NEFL: variants seen among roughly 807,000 people sequenced by gnomAD.
NEFL encodes the protein neurofilament light chain.
A neutral mutation model predicts 51.6 loss-of-function variants in NEFL; 36 were observed. That is an observed-to-expected ratio of 0.70 (90% CI 0.53 to 0.92). The LOEUF is 0.92. Ranked by LOEUF, NEFL falls within the 40% of genes least tolerant of loss-of-function variation. The probability of loss-of-function intolerance (pLI) is 0.00; values close to 1 mark genes in which losing one functional copy is unlikely to be tolerated. For synonymous variants in NEFL, 332 were observed against 302.5 expected (o/e 1.10, Z -1.01); for missense variants, 671 against 722.0 (o/e 0.93, Z 0.81).
In NEFL at chr8:24,952,384, C is replaced by T. The variant is rs73546943; in HGVS notation, c.*426G>A. 10,476 of 158,238 alleles carry T rather than the reference C, an allele frequency of 0.066. 1,222 individuals carry two copies. Among genetic ancestry groups the T allele is most frequent in the African/African-American group, 0.24 (9,909 of 41,578 alleles). 9.8% of individuals were successfully genotyped at this position (158,238 alleles called of 1,614,324 possible). A position where few individuals can be genotyped will look rare whatever the true frequency, so the allele number is the denominator to read the frequency against. ...CAACCACAGCAAAAAATACATCATT[C>T]GGTATAACTTTATTTACTATTTATT... On this transcript the variant is annotated 3_prime_UTR_variant, in exon 4 of 4. Transcript: ENST00000610854.
In NEFL at chr8:24,951,223, A is replaced by G. The variant is rs1802963093; in HGVS notation, c.*1587T>C. On this transcript the variant is annotated 3_prime_UTR_variant, in exon 4 of 4. Coordinates refer to ENST00000610854, the MANE Select transcript of NEFL (RefSeq NM_006158.5). The stretch of plus-strand genomic sequence containing the variant: ...TTCATAGTTCCAATCCATTACCATC[A>G]TGGCAAGGAAGCACTTTACCTATTT... The G allele has an allele frequency of 2.0e-5, 3 of 152,404 alleles. No homozygotes were observed. In the South Asian group the frequency reaches 6.2e-4, roughly 32 times the overall value. The allele number at this position is 152,404 out of a possible 1,614,324, so 9.4% of individuals were successfully genotyped here.
At chr8:24,953,191 C>A (rs532828056) in intron 3 of NEFL, among the ~76,000 whole-genome samples, 1 of 152,276 alleles carries the variant, frequency 6.6e-6, no homozygotes, top group South Asian at 2.1e-4. Context: ...CTCTCCAAGA[C>A]TTAACCTCAA....
chr8:24,955,651 C>G lies in NEFL; in HGVS notation c.865G>C (p.Glu289Gln). 1.2e-6 allele frequency: 2 copies of G among 1,613,836 alleles called. No homozygotes were observed. The highest frequency in any genetic ancestry group is 1.1e-5 in the South Asian group (1 of 91,068). ...GCGTCGGTGTTCTTGGCGGCGCTCT[C>G]GGTCAGCACGGTGAAGCGGCTCTTG... is the stretch of plus-strand genomic sequence containing the variant. ...WFKSRFTVLT[E>Q]SAAKNTDAVR... The change falls in exon 1 of 4, where the codon GAG becomes CAG. Residue 289 changes from glutamate to glutamine, a missense_variant. Glu to Gln is a conservative substitution (Grantham distance 29, BLOSUM62 2). Coordinates refer to ENST00000610854, the MANE Select transcript of NEFL (RefSeq NM_006158.5). The surrounding 1 kb of genome is among the most constrained non-coding windows in gnomAD (Gnocchi z 4.0).
chr8:24,955,944 C>T lies in NEFL; in HGVS notation c.572G>A (p.Arg191Gln), dbSNP rs755170407. 1.9e-6 allele frequency: 3 copies of T among 1,602,988 alleles called. No homozygotes were observed. The highest frequency in any genetic ancestry group is 2.5e-6 in the Non-Finnish European group (3 of 1,179,216). Residue 191 changes from arginine to glutamine, a missense_variant, in exon 1 of 4, where the codon CGG becomes CAG. Physicochemically the swap from Arg to Gln is conservative, Grantham distance 43. Transcript: ENST00000610854. The surrounding 1 kb of genome is among the most constrained non-coding windows in gnomAD (Gnocchi z 4.0). Reference sequence around the variant, plus strand: ...GGCGCCTTTGCGCGCTTCCATCAGCCGGCCCTCGGCGTCCTCGCGGCTCAG... The same window carrying T: ...GGCGCCTTTGCGCGCTTCCATCAGCTGGCCCTCGGCGTCCTCGCGGCTCAG... ...EVLSREDAEGRLMEARKGADE... is the reference protein window; with the variant it reads ...EVLSREDAEGQLMEARKGADE...
At chr8:24,953,340 A>G in intron 3 of NEFL, 136 bp downstream of exon 3, 1 of 1,497,630 alleles carries the variant, frequency 6.7e-7, no homozygotes. Context: ...GTTTTGCTAA[A>G]CAAACAGAAA....
chr8:24,954,703 C>CA (rs925691246), intron 1 of NEFL, among the ~76,000 whole-genome samples: 6 of 150,392 alleles, frequency 4.0e-5, no homozygotes, highest in African/African-American at 7.3e-5. Context: ...CAGATGTAAA[C>CA]AAAAAAAAGA....
rs1437779457 is a variant in NEFL, at chr8:24,956,032, C to T, written c.484G>A (p.Gly162Ser). ...GTCTCCTCCAGCCCTTCGCGCTCGC[C>T]CTGGAGCGCCTGCTTCTCGTTGGTG... The part of the protein sequence containing the change: ...DATNEKQALQ[G>S]EREGLEETLR... The change falls in exon 1 of 4, where the codon GGC becomes AGC. Residue 162 changes from glycine (G) to serine (S), a missense_variant. Transcript: ENST00000610854. The surrounding 1 kb of genome is among the most constrained non-coding windows in gnomAD (Gnocchi z 5.9). 1 of 1,604,214 alleles carries T rather than the reference C, an allele frequency of 6.2e-7. No individual in the cohort carries two copies.
rs1445349129 is a variant in NEFL at position 24,951,231 on chromosome 8, G to A, written c.*1579C>T. 6.6e-6 allele frequency: 1 copy of A among 152,232 alleles called. No individual in the cohort carries two copies. Among genetic ancestry groups the A allele is most frequent in the African/African-American group, 2.4e-5 (1 of 41,446 alleles). The allele number at this position is 152,232 out of a possible 1,614,324, so 9.4% of individuals were successfully genotyped here. On this transcript the variant is annotated 3_prime_UTR_variant, in exon 4 of 4. Transcript: ENST00000610854. ...TCCAATCCATTACCATCATGGCAAGGAAGCACTTTACCTATTTGCATAGCA... is the reference window on the plus strand; with the variant it reads ...TCCAATCCATTACCATCATGGCAAGAAAGCACTTTACCTATTTGCATAGCA...
Position 24,953,511 on chromosome 8 carries a change from T to C in NEFL, c.1454A>G (p.Glu485Gly). ...EAEEEEKDKE[E>G]AEEEEAAEEE... is the part of the protein sequence containing the mutation. Reference sequence around the variant, plus strand: ...TTCAGCTGCCTCCTCTTCCTCGGCCTCTTCCTTGTCCTTCTCCTCCTCCTC... The same window carrying C: ...TTCAGCTGCCTCCTCTTCCTCGGCCCCTTCCTTGTCCTTCTCCTCCTCCTC... Residue 485 changes from glutamate to glycine, a missense_variant, in exon 3 of 4, where the codon GAG becomes GGG. Transcript: ENST00000610854. 6.2e-7 allele frequency: 1 copy of C among 1,605,898 alleles called. No homozygotes were observed. Among genetic ancestry groups the C allele is most frequent in the Non-Finnish European group, 8.5e-7 (1 of 1,176,064 alleles).
At position 24,955,643 on chromosome 8, in the gene NEFL, G is replaced by T. The variant is rs1466451392; in HGVS notation, c.873C>A (p.Ala291=). The T allele has an allele frequency of 3.1e-6, 5 of 1,613,850 alleles. No homozygotes were observed. The highest frequency in any genetic ancestry group is 4.2e-6 in the Non-Finnish European group (5 of 1,179,886). ...KSRFTVLTES[A]AKNTDAVRAA... ...CGCGCACGGCGTCGGTGTTCTTGGC[G>T]GCGCTCTCGGTCAGCACGGTGAAGC... The change falls in exon 1 of 4, where the codon GCC becomes GCA. Residue 291 remains alanine (A), a synonymous_variant. Transcript: ENST00000610854. This position sits in a 1 kb window ranked among gnomAD's most constrained non-coding sequence, Gnocchi z 4.0.
Position 24,955,176 on chromosome 8 carries a change from T to C in NEFL, c.1044+296A>G. The stretch of plus-strand genomic sequence containing the variant: ...CAGGTCAGTAGAGAGCTGATCTCAC[T>C]GCAGGCCGGAGGCAACGCCCAATTC... On this transcript the variant is annotated intron_variant, in intron 1 of 3. Transcript: ENST00000610854. The surrounding 1 kb of genome is among the most constrained non-coding windows in gnomAD (Gnocchi z 4.0). 8.0e-6 allele frequency: 4 copies of C among 500,890 alleles called. No individual in the cohort carries two copies. In the South Asian group the frequency reaches 1.2e-4, roughly 15 times the overall value. 31.0% of individuals were successfully genotyped at this position (500,890 alleles called of 1,614,324 possible).
rs776351925 is a variant in NEFL, at chr8:24,956,472, T to G, written c.44A>C (p.Lys15Thr). 10 of 1,604,174 alleles carry G rather than the reference T, an allele frequency of 6.2e-6. No individual in the cohort carries two copies. Among genetic ancestry groups the G allele is most frequent in the Non-Finnish European group, 8.5e-6 (10 of 1,176,316 alleles). ...CCGGGGCGTCTCCACGTAGCGCCGC[T>G]TGTAGGAGGTCGAGTAGTACGGCTC... ...SYEPYYSTSY[K>T]RRYVETPRVH... Residue 15 changes from lysine (K) to threonine (T), a missense_variant, in exon 1 of 4, where the codon AAG becomes ACG. By Grantham distance (78) the Lys-to-Thr change is moderately conservative. Coordinates refer to ENST00000610854, the MANE Select transcript of NEFL (RefSeq NM_006158.5). The surrounding 1 kb of genome is among the most constrained non-coding windows in gnomAD (Gnocchi z 5.9).
At position 24,956,470 on chromosome 8, in the gene NEFL, G is replaced by A. The variant is rs1407149544; in HGVS notation, c.46C>T (p.Arg16Trp). 9 of 1,604,292 alleles carry A rather than the reference G, an allele frequency of 5.6e-6. No individual in the cohort carries two copies. The highest frequency in any genetic ancestry group is 1.7e-5 in the Admixed American group (1 of 58,566). ...YEPYYSTSYK[R>W]RYVETPRVHI... ...ACCCGGGGCGTCTCCACGTAGCGCC[G>A]CTTGTAGGAGGTCGAGTAGTACGGC... The change falls in exon 1 of 4, where the codon CGG becomes TGG. Residue 16 changes from arginine (R) to tryptophan (W), a missense_variant. Coordinates refer to ENST00000610854, the MANE Select transcript of NEFL (RefSeq NM_006158.5). The surrounding 1 kb of genome is among the most constrained non-coding windows in gnomAD (Gnocchi z 5.9).
Position 24,955,738 on chromosome 8 carries a change from C to T in NEFL, c.778G>A (p.Asp260Asn). ...AGCTTCTCGTACTGCGCGCGGATGT[C>T]CTTGAGCGCGGCGGAAAGGTCGGGC... ...TKPDLSAALK[D>N]IRAQYEKLAA... is the part of the protein sequence containing the mutation. The change falls in exon 1 of 4, where the codon GAC becomes AAC. Residue 260 changes from aspartate (D) to asparagine (N), a missense_variant. Coordinates refer to ENST00000610854, the MANE Select transcript of NEFL (RefSeq NM_006158.5). The surrounding 1 kb of genome is among the most constrained non-coding windows in gnomAD (Gnocchi z 4.0). 2 of 1,613,738 alleles carry T rather than the reference C, an allele frequency of 1.2e-6. No individual in the cohort carries two copies. Among genetic ancestry groups the T allele is most frequent in the Non-Finnish European group, 8.5e-7 (1 of 1,179,866 alleles).
In NEFL at chr8:24,951,951, G is replaced by C. The variant is rs1249871943; in HGVS notation, c.*859C>G. The C allele has an allele frequency of 6.6e-6, 1 of 152,274 alleles. No homozygotes were observed. The highest frequency in any genetic ancestry group is 2.4e-5 in the African/African-American group (1 of 41,402). The allele number at this position is 152,274 out of a possible 1,614,324, so 9.4% of individuals were successfully genotyped here. A position where few individuals can be genotyped will look rare whatever the true frequency, so the allele number is the denominator to read the frequency against. ...TCATATTCTATCCATATTGCATTGTGACATATCAGTTTGAAATGACCTATT... is the reference window on the plus strand; with the variant it reads ...TCATATTCTATCCATATTGCATTGTCACATATCAGTTTGAAATGACCTATT... On this transcript the variant is annotated 3_prime_UTR_variant, in exon 4 of 4. Coordinates refer to ENST00000610854, the MANE Select transcript of NEFL (RefSeq NM_006158.5).
At chr8:24,953,882 G>C in intron 2 of NEFL, 87 bp from the exon 3 acceptor site, 1 of 1,469,304 alleles carries the variant, frequency 6.8e-7, no homozygotes, top group Non-Finnish European at 9.0e-7. Context: ...GCAAGCAGGA[G>C]CAGGGCTGGG....
rs1217355732 is a variant in NEFL at position 24,955,913 on chromosome 8, C to G, written c.603G>C (p.Glu201Asp). 1 of 1,605,032 alleles carries G rather than the reference C, an allele frequency of 6.2e-7. No homozygotes were observed. The highest frequency in any genetic ancestry group is 8.5e-7 in the Non-Finnish European group (1 of 1,179,742). The change falls in exon 1 of 4, where the codon GAG (glutamate) becomes GAC (aspartate). Residue 201 changes from glutamate (E) to aspartate (D), a missense_variant. Transcript: ENST00000610854. The surrounding 1 kb of genome is among the most constrained non-coding windows in gnomAD (Gnocchi z 4.0). Reference protein sequence around the residue: ...RLMEARKGADEAALARAELEK... With the variant: ...RLMEARKGADDAALARAELEK... ...CGAGCTCGGCGCGAGCGAGCGCCGCCTCGTCGGCGCCTTTGCGCGCTTCCA... is the reference window on the plus strand; with the variant it reads ...CGAGCTCGGCGCGAGCGAGCGCCGCGTCGTCGGCGCCTTTGCGCGCTTCCA...
chr8:24,954,373 G>A (rs1803013267), intron 1 of NEFL, 68 bp from the exon 2 acceptor site: 1 of 1,569,268 alleles, frequency 6.4e-7, no homozygotes, highest in Non-Finnish European at 8.6e-7. Context: ...TTTTACTGTA[G>A]TGTAGTTGCA....
Position 24,955,310 on chromosome 8 carries a change from C to G in NEFL, c.1044+162G>C. 1.5e-6 allele frequency: 1 copy of G among 689,182 alleles called. No individual in the cohort carries two copies. Among genetic ancestry groups the G allele is most frequent in the East Asian group, 2.7e-5 (1 of 36,654 alleles). 42.7% of individuals were successfully genotyped at this position (689,182 alleles called of 1,614,324 possible). ...GACTACAGTGGCGCCCGCACTCACG[C>G]CCTTCAAGTGCCCCACCCCTCCCAC... On this transcript the variant is annotated intron_variant, in intron 1 of 3. Coordinates refer to ENST00000610854, the MANE Select transcript of NEFL (RefSeq NM_006158.5). The surrounding 1 kb of genome is among the most constrained non-coding windows in gnomAD (Gnocchi z 4.0).
Sources: allele counts gnomAD v4.1 joint callset (sites outside exome capture counted in the v4.1 genomes callset), GRCh38; gene constraint gnomAD v4.1.1; non-coding constraint Gnocchi (gnomAD v3.1); transcripts MANE v1.5; gene names NCBI Gene and HGNC (gene_info 2026-07-23, HGNC 2026-07-21).